The following WNT6 variants were observed in gnomAD, a reference collection of about 807,000 sequenced individuals.
WNT6 encodes the protein Wnt family member 6, also known as protein Wnt-6.
In WNT6, 27 loss-of-function variants were observed where a neutral mutation model predicts 33.1. That is an observed-to-expected ratio of 0.82 (90% CI 0.60 to 1.12). The LOEUF is 1.12. Among genes scored for constraint, WNT6 ranks in the 50% most tolerant of loss-of-function variants. The pLI, the probability that WNT6 is intolerant of heterozygous loss-of-function variation, is 0.00. For synonymous variants in WNT6, 249 were observed against 242.8 expected, an observed-to-expected ratio of 1.03 and a Z score of -0.24; for missense variants, 494 against 535.3, an observed-to-expected ratio of 0.92 and a Z score of 0.76.
rs1289770920 is a variant in WNT6, at chr2:218,874,093, C to G, written c.*248C>G. 2.1e-6 allele frequency: 1 copy of G among 466,842 alleles called. No homozygotes were observed. The highest frequency in any genetic ancestry group is 3.7e-6 in the Non-Finnish European group (1 of 270,872). The allele number at this position is 466,842 out of a possible 1,614,324, so 28.9% of individuals were successfully genotyped here. ...TTAAAGGACACTGTACAGGCCCTCCCTCCCCTTGGCCTCTAGGAGGAAACA... is the reference window on the plus strand; with the variant it reads ...TTAAAGGACACTGTACAGGCCCTCCGTCCCCTTGGCCTCTAGGAGGAAACA... On this transcript the variant is annotated 3_prime_UTR_variant, in exon 4 of 4. Coordinates refer to ENST00000233948, the MANE Select transcript of WNT6 (RefSeq NM_006522.4).
Position 218,871,873 on chromosome 2 carries a change from G to A in WNT6, c.636+54G>A. On this transcript the variant is annotated intron_variant, in intron 3 of 3. Coordinates refer to ENST00000233948, the MANE Select transcript of WNT6 (RefSeq NM_006522.4). The surrounding 1 kb of genome is among the most constrained non-coding windows in gnomAD (Gnocchi z 6.4). ...GTGCGGAAATGTGAGTGTGCGCGCA[G>A]GAGTGTGCTTGAGGAAGTGTTGGCA... The A allele has an allele frequency of 6.8e-7, 1 of 1,472,564 alleles. No homozygotes were observed. Among genetic ancestry groups the A allele is most frequent in the East Asian group, 2.8e-5 (1 of 35,210 alleles). The allele number at this position is 1,472,564 out of a possible 1,614,324, so 91.2% of individuals were successfully genotyped here. A position where few individuals can be genotyped will look rare whatever the true frequency, so the allele number is the denominator to read the frequency against.
intron 1 of WNT6, among the ~76,000 whole-genome samples, chr2:218,862,922 C>G (rs1266976407): frequency 6.6e-6 from 1 of 152,120 alleles, no homozygotes; most frequent in Non-Finnish European, 1.5e-5. Flanking sequence ...TCAGGCTGGT[C>G]TCAAACTCCT....
Position 218,873,403 on chromosome 2 carries a change from G to C in WNT6, c.656G>C (p.Arg219Pro). ...CCGCAGGCCGTGCGGAGCCACACGC[G>C]CACCGAGTGCAAATGCCACGGGCTG... The part of the protein sequence containing the change: ...AGRLAVRSHT[R>P]TECKCHGLSG... Residue 219 changes from arginine (R) to proline (P), a missense_variant, in exon 4 of 4, where the codon CGC becomes CCC. Arg to Pro is a moderately radical substitution (Grantham distance 103, BLOSUM62 -2). Coordinates refer to ENST00000233948, the MANE Select transcript of WNT6 (RefSeq NM_006522.4). This position sits in a 1 kb window ranked among gnomAD's most constrained non-coding sequence, Gnocchi z 6.1. 1 of 1,536,440 alleles carries C rather than the reference G, an allele frequency of 6.5e-7. No individual in the cohort carries two copies. Among genetic ancestry groups the C allele is most frequent in the Non-Finnish European group, 8.7e-7 (1 of 1,146,312 alleles).
intron 1 of WNT6, among the ~76,000 whole-genome samples, chr2:218,863,376 A>G (rs956881597): frequency 2.2e-4 from 34 of 152,236 alleles, no homozygotes; most frequent in African/African-American, 7.7e-4. Context: ...TTCTAGCAGC[A>G]GCCAGGCTAG....
At position 218,873,922 on chromosome 2, in the gene WNT6, C is replaced by A. The variant is rs1944431168; in HGVS notation, c.*77C>A. ...GGGACCTCAGGGCACCGGCACCGGGCGCCTCTCGCCGCTCGAGCCCAGCCT... is the reference window on the plus strand; with the variant it reads ...GGGACCTCAGGGCACCGGCACCGGGAGCCTCTCGCCGCTCGAGCCCAGCCT... On this transcript the variant is annotated 3_prime_UTR_variant, in exon 4 of 4. Transcript: ENST00000233948. This position sits in a 1 kb window ranked among gnomAD's most constrained non-coding sequence, Gnocchi z 6.1. 3 of 1,335,358 alleles carry A rather than the reference C, an allele frequency of 2.2e-6. No individual in the cohort carries two copies. Among genetic ancestry groups the A allele is most frequent in the African/African-American group, 1.6e-5 (1 of 64,288 alleles). The allele number at this position is 1,335,358 out of a possible 1,614,324, so 82.7% of individuals were successfully genotyped here. A position where few individuals can be genotyped will look rare whatever the true frequency, so the allele number is the denominator to read the frequency against.
At chr2:218,864,093 C>T (rs112082806) in intron 1 of WNT6, among the ~76,000 whole-genome samples, 3,095 of 152,264 alleles carry the variant, frequency 0.02, 102 homozygotes, top group African/African-American at 0.069. Context: ...CACTTCCGCT[C>T]TGCTCCTTGC....
chr2:218,869,985 C>T (rs373068578), intron 1 of WNT6, among the ~76,000 whole-genome samples: 16 of 152,202 alleles, frequency 1.1e-4, no homozygotes, highest in African/African-American at 1.2e-4. Context: ...TTTGGGAAGC[C>T]GAGGCAGGCA....
chr2:218,870,300 A>G (rs1000939744), intron 1 of WNT6, among the ~76,000 whole-genome samples: 1 of 152,012 alleles, frequency 6.6e-6, no homozygotes, highest in South Asian at 2.1e-4. Context: ...CTTTCCAACA[A>G]TGCTTCAGAG....
In WNT6 at chr2:218,871,828, G is replaced by T. The variant is rs1370955726; in HGVS notation, c.636+9G>T. 2.5e-6 allele frequency: 4 copies of T among 1,574,520 alleles called. No individual in the cohort carries two copies. The highest frequency in any genetic ancestry group is 2.6e-6 in the Non-Finnish European group (3 of 1,162,464). On this transcript the variant is annotated intron_variant, in intron 3 of 3. Transcript: ENST00000233948. The surrounding 1 kb of genome is among the most constrained non-coding windows in gnomAD (Gnocchi z 6.4). ...ACGAGGCGGGCAGGCTGGTGCGTACGGGCAGGATGGAGTGAGTGTGTGCGG... is the reference window on the plus strand; with the variant it reads ...ACGAGGCGGGCAGGCTGGTGCGTACTGGCAGGATGGAGTGAGTGTGTGCGG...
chr2:218,872,301 A>C (rs1944409690), intron 3 of WNT6, among the ~76,000 whole-genome samples: 1 of 152,178 alleles, frequency 6.6e-6, no homozygotes, highest in African/African-American at 2.4e-5. Context: ...AGAGAGGCCT[A>C]GAAAGAGTTA....
chr2:218,871,232 C>A lies in WNT6; in HGVS notation c.286C>A (p.Arg96Ser). The A allele has an allele frequency of 6.2e-7, 1 of 1,611,226 alleles. No homozygotes were observed. The highest frequency in any genetic ancestry group is 1.7e-5 in the Admixed American group (1 of 59,884). Residue 96 changes from arginine to serine, a missense_variant, in exon 2 of 4, where the codon CGC becomes AGC. Arg to Ser is a moderately radical substitution (Grantham distance 110). Coordinates refer to ENST00000233948, the MANE Select transcript of WNT6 (RefSeq NM_006522.4). This position sits in a 1 kb window ranked among gnomAD's most constrained non-coding sequence, Gnocchi z 6.4. The stretch of plus-strand genomic sequence containing the variant: ...CTCCAGCCACAGCAAGGCCTTTGGA[C>A]GCATCCTGCAACAGGGTCAGTGTGG... The part of the protein sequence containing the change: ...NCSSHSKAFG[R>S]ILQQDIRETA...
At position 218,873,589 on chromosome 2, in the gene WNT6, G is replaced by A. The variant is rs759901601; in HGVS notation, c.842G>A (p.Arg281Gln). 6.5e-6 allele frequency: 10 copies of A among 1,548,386 alleles called. No homozygotes were observed. The Middle Eastern group carries it at 5.0e-4, about 78-fold the overall frequency. ...GTCCGCACGCTCAAGCCGCCGGGCCGAGCGGACCTCCTCTACGCCGCCGAT... is the reference window on the plus strand; with the variant it reads ...GTCCGCACGCTCAAGCCGCCGGGCCAAGCGGACCTCCTCTACGCCGCCGAT... The part of the protein sequence containing the change: ...PAVRTLKPPG[R>Q]ADLLYAADSP... Residue 281 changes from arginine to glutamine, a missense_variant, in exon 4 of 4, where the codon CGA becomes CAA. Transcript: ENST00000233948. This position sits in a 1 kb window ranked among gnomAD's most constrained non-coding sequence, Gnocchi z 6.1.
Position 218,871,631 on chromosome 2 carries a change from G to A in WNT6, c.448G>A (p.Gly150Ser), listed in dbSNP as rs969854226. ...RAPPRPSGLPGTPGPPGPAGS... is the reference protein window; with the variant it reads ...RAPPRPSGLPSTPGPPGPAGS... The stretch of plus-strand genomic sequence containing the variant: ...CCCTCCCCGGCCCTCCGGCCTGCCC[G>A]GCACCCCCGGACCCCCTGGCCCCGC... The change falls in exon 3 of 4, where the codon GGC (glycine) becomes AGC (serine). Residue 150 changes from glycine (G) to serine (S), a missense_variant. Coordinates refer to ENST00000233948, the MANE Select transcript of WNT6 (RefSeq NM_006522.4). This position sits in a 1 kb window ranked among gnomAD's most constrained non-coding sequence, Gnocchi z 6.4. 1.4e-6 allele frequency: 2 copies of A among 1,472,314 alleles called. No homozygotes were observed. The highest frequency in any genetic ancestry group is 1.8e-6 in the Non-Finnish European group (2 of 1,117,402). 91.2% of individuals were successfully genotyped at this position (1,472,314 alleles called of 1,614,324 possible).
chr2:218,870,415 T>C (rs975320043), intron 1 of WNT6, among the ~76,000 whole-genome samples: 2 of 152,120 alleles, frequency 1.3e-5, no homozygotes, highest in Admixed American at 6.5e-5. Flanking sequence ...ACCCATTTTA[T>C]AGAAGGAGAA....
chr2:218,868,516 G>A (rs771926000), intron 1 of WNT6, among the ~76,000 whole-genome samples: 1 of 152,112 alleles, frequency 6.6e-6, no homozygotes, highest in Non-Finnish European at 1.5e-5. Context: ...AGCTTGCAGA[G>A]CCCCCGACTC....
chr2:218,860,895 T>C (rs1006873879), intron 1 of WNT6, among the ~76,000 whole-genome samples: 1 of 3,084 alleles, frequency 3.2e-4, no homozygotes, highest in African/African-American at 1.4e-3. Flanking sequence ...GGGGTGGGGG[T>C]GGGGCCGGGG....
intron 1 of WNT6, among the ~76,000 whole-genome samples, 167 bp from the exon 2 acceptor site, chr2:218,870,860 T>A (rs1370887711): frequency 6.6e-6 from 1 of 152,244 alleles, no homozygotes; most frequent in South Asian, 2.1e-4. Flanking sequence ...GACACAGACA[T>A]GGACTAGCAG....
chr2:218,871,393 C>G lies in WNT6; in HGVS notation c.302-92C>G. ...CCCTGCAAGGACCCTGCCTCCCAGG[C>G]CCCTGGGGCAGCCCTCCCGCCGCAG... On this transcript the variant is annotated intron_variant, in intron 2 of 3. Coordinates refer to ENST00000233948, the MANE Select transcript of WNT6 (RefSeq NM_006522.4). This position sits in a 1 kb window ranked among gnomAD's most constrained non-coding sequence, Gnocchi z 6.4. The G allele has an allele frequency of 6.7e-7, 1 of 1,502,704 alleles. No individual in the cohort carries two copies. Among genetic ancestry groups the G allele is most frequent in the East Asian group, 2.3e-5 (1 of 42,946 alleles). 93.1% of individuals were successfully genotyped at this position (1,502,704 alleles called of 1,614,324 possible).
chr2:218,861,752 T>A (rs1432497600), intron 1 of WNT6, among the ~76,000 whole-genome samples: 1 of 152,188 alleles, frequency 6.6e-6, no homozygotes, highest in Non-Finnish European at 1.5e-5. Context: ...TAAATCATTC[T>A]TATCCTTACG....
Sources: allele counts gnomAD v4.1 joint callset (sites outside exome capture counted in the v4.1 genomes callset), GRCh38; gene constraint gnomAD v4.1.1; non-coding constraint Gnocchi (gnomAD v3.1); transcripts MANE v1.5; gene names NCBI Gene and HGNC (gene_info 2026-07-23, HGNC 2026-07-21).